The following CMTM8 variants were observed in gnomAD, a reference collection of about 807,000 sequenced individuals.
The protein encoded by CMTM8 is CKLF-like MARVEL transmembrane domain-containing protein 8.
In CMTM8, 12 loss-of-function variants were observed where a neutral mutation model predicts 18.6. That is an observed-to-expected ratio of 0.65 (90% CI 0.41 to 1.05). The LOEUF is 1.05. Ranked by LOEUF, CMTM8 falls within the 50% of genes least tolerant of loss-of-function variation. CMTM8 has a pLI of 0.00. For synonymous variants in CMTM8, 87 were observed against 90.6 expected, an observed-to-expected ratio of 0.96 and a Z score of 0.23; for missense variants, 217 against 227.2, an observed-to-expected ratio of 0.95 and a Z score of 0.29.
chr3:32,271,161 T>C (rs1702433945), intron 1 of CMTM8, among the ~76,000 whole-genome samples: 2 of 152,188 alleles, frequency 1.3e-5, no homozygotes, highest in Admixed American at 1.3e-4. Flanking sequence ...AGTTTCGCTC[T>C]TGTTGCCCAG....
At chr3:32,262,081 G>A (rs1352006593) in intron 1 of CMTM8, among the ~76,000 whole-genome samples, 8 of 152,116 alleles carry the variant, frequency 5.3e-5, no homozygotes, top group Admixed American at 3.3e-4. Flanking sequence ...GAAGGAAGAC[G>A]AGGAAGCAGG....
At chr3:32,253,926 G>A (rs777228106) in intron 1 of CMTM8, among the ~76,000 whole-genome samples, 3 of 150,962 alleles carry the variant, frequency 2.0e-5, no homozygotes, top group South Asian at 2.1e-4. Context: ...GGAGTTTCAC[G>A]CTTGTTGCCC....
At chr3:32,331,334 T>C (rs1382694886) in intron 1 of CMTM8, among the ~76,000 whole-genome samples, 1 of 152,132 alleles carries the variant, frequency 6.6e-6, no homozygotes, top group African/African-American at 2.4e-5. Flanking sequence ...GACAAGAATG[T>C]GGTGAAATTG....
intron 1 of CMTM8, among the ~76,000 whole-genome samples, chr3:32,319,074 A>ATATATATATATATATATATTTTTTT: frequency 4.1e-4 from 13 of 31,514 alleles, no homozygotes; most frequent in East Asian, 1.6e-3. Context: ...ATATATATAT[A>ATATATATATATATATATATTTTTTT]TTTTTTTTTT....
chr3:32,280,363 C>T (rs749882276), intron 1 of CMTM8, among the ~76,000 whole-genome samples: 3 of 152,152 alleles, frequency 2.0e-5, no homozygotes, highest in Non-Finnish European at 4.4e-5. Context: ...ATGGAAAGTA[C>T]TCTGATTGGT....
chr3:32,328,496 G>A (rs1575178675), intron 1 of CMTM8, among the ~76,000 whole-genome samples: 1 of 118,114 alleles, frequency 8.5e-6, no homozygotes, highest in Non-Finnish European at 1.9e-5. Context: ...GCTGCAGTGA[G>A]CTCTGATCGT....
intron 1 of CMTM8, among the ~76,000 whole-genome samples, chr3:32,344,692 C>G (rs11917817): frequency 0.029 from 4,389 of 152,144 alleles, 120 homozygotes; most frequent in African/African-American, 0.065. Flanking sequence ...TCTAGGAGTT[C>G]GAAGTCAGCC....
At chr3:32,349,065 C>G (rs1252008130) in intron 1 of CMTM8, among the ~76,000 whole-genome samples, 1 of 152,010 alleles carries the variant, frequency 6.6e-6, no homozygotes, top group African/African-American at 2.4e-5. Flanking sequence ...CTCTAAGATA[C>G]TGATGATTTT....
At chr3:32,311,210 C>T (rs187189537) in intron 1 of CMTM8, among the ~76,000 whole-genome samples, 18 of 152,136 alleles carry the variant, frequency 1.2e-4, no homozygotes, top group Admixed American at 3.3e-4. Context: ...TTAACGGTTG[C>T]GGAAAAAATT....
At chr3:32,298,016 G>A (rs941495169) in intron 1 of CMTM8, among the ~76,000 whole-genome samples, 1 of 151,530 alleles carries the variant, frequency 6.6e-6, no homozygotes, top group Non-Finnish European at 1.5e-5. Context: ...AGCAGCCATT[G>A]CTCAGAACTC....
chr3:32,367,434 C>A (rs1227092135), intron 2 of CMTM8, among the ~76,000 whole-genome samples: 1 of 152,084 alleles, frequency 6.6e-6, no homozygotes, highest in Non-Finnish European at 1.5e-5. Context: ...ATCAGCTGGG[C>A]CTGTTTTGGG....
At chr3:32,276,621 G>A (rs992175772) in intron 1 of CMTM8, among the ~76,000 whole-genome samples, 1 of 152,150 alleles carries the variant, frequency 6.6e-6, no homozygotes, top group African/African-American at 2.4e-5. Context: ...CTTTGGAGGG[G>A]AGTATTAGCT....
Position 32,238,832 on chromosome 3 carries a change from G to A in CMTM8, c.-141G>A. 1 of 565,630 alleles carries A rather than the reference G, an allele frequency of 1.8e-6. No homozygotes were observed. The highest frequency in any genetic ancestry group is 2.6e-6 in the Non-Finnish European group (1 of 385,758). 35.0% of individuals were successfully genotyped at this position (565,630 alleles called of 1,614,324 possible). Reference sequence around the variant, plus strand: ...CCGCCGCGCCTGGACAGCCCCCGGCGGGCGCCCCCCTCGCACCTCCTGCCC... The same window carrying A: ...CCGCCGCGCCTGGACAGCCCCCGGCAGGCGCCCCCCTCGCACCTCCTGCCC... On this transcript the variant is annotated 5_prime_UTR_variant, in exon 1 of 4. Transcript: ENST00000307526.
At chr3:32,252,106 A>G (rs1033168454) in intron 1 of CMTM8, among the ~76,000 whole-genome samples, 1 of 152,168 alleles carries the variant, frequency 6.6e-6, no homozygotes, top group African/African-American at 2.4e-5. Context: ...AAAAATAAAA[A>G]AAATTTACCG....
chr3:32,365,591 C>T (rs1442130571), intron 2 of CMTM8, among the ~76,000 whole-genome samples: 2 of 152,012 alleles, frequency 1.3e-5, no homozygotes, highest in African/African-American at 4.8e-5. Flanking sequence ...GATTACAGGG[C>T]CCATCGCCAC....
chr3:32,243,530 C>CAAAA (rs376396855), intron 1 of CMTM8, among the ~76,000 whole-genome samples: 2 of 104,388 alleles, frequency 1.9e-5, no homozygotes, highest in Non-Finnish European at 2.0e-5. Flanking sequence ...GACCCTGTCT[C>CAAAA]AAAAAAAAAA....
At chr3:32,264,973 T>A (rs912682353) in intron 1 of CMTM8, among the ~76,000 whole-genome samples, 3 of 151,996 alleles carry the variant, frequency 2.0e-5, no homozygotes, top group Admixed American at 6.6e-5. Context: ...GAGACCTACA[T>A]AGAGACTTAG....
chr3:32,287,276 TA>T (rs1219396211), intron 1 of CMTM8, among the ~76,000 whole-genome samples: 1 of 152,222 alleles, frequency 6.6e-6, no homozygotes, highest in African/African-American at 2.4e-5. Context: ...CACAGCCATT[TA>T]CTCCTCTGAA....
At chr3:32,339,499 G>A (rs1444485333) in intron 1 of CMTM8, among the ~76,000 whole-genome samples, 2 of 152,150 alleles carry the variant, frequency 1.3e-5, no homozygotes, top group Admixed American at 6.5e-5. Flanking sequence ...AGGCAATCCA[G>A]ACATGCTTCT....
Sources: gnomAD v4.1 joint callset for allele counts (sites outside exome capture counted in the v4.1 genomes callset) on GRCh38, gnomAD v4.1.1 for gene constraint, MANE v1.5 for transcripts, NCBI Gene and HGNC (gene_info 2026-07-23, HGNC 2026-07-21) for gene names.